Variants in LRRC71 observed in about 807,000 individuals in gnomAD.
LRRC71 encodes leucine-rich repeat-containing protein 71.
LRRC71 carries 54 observed loss-of-function variants against 66.6 expected under a neutral mutation model. The observed-to-expected ratio is 0.81, with a 90% CI of 0.65 to 1.02. The LOEUF is 1.02. LRRC71 is among the 50% of genes least tolerant of loss of function. LRRC71 has a pLI of 0.00. For synonymous variants in LRRC71, 323 were observed against 303.9 expected (o/e 1.06, Z -0.65); for missense variants, 724 against 718.0 (o/e 1.01, Z -0.10).
At chr1:156,928,465 TTC>T (rs1653719057) in intron 9 of LRRC71, among the ~76,000 whole-genome samples, 2 of 140,292 alleles carry the variant, frequency 1.4e-5, no homozygotes, top group Admixed American at 7.2e-5. Flanking sequence ...CTTCTCCTTC[TTC>T]TCTTCTTCCT....
chr1:156,932,768 C>G (rs1571082584), intron 14 of LRRC71, 85 bp from the exon 15 acceptor site: 1 of 1,471,380 alleles, frequency 6.8e-7, no homozygotes. Flanking sequence ...CCTAACCCAC[C>G]CTGCCCCAGG....
intron 14 of LRRC71, 60 bp from the exon 15 acceptor site, chr1:156,932,793 T>TC: frequency 3.3e-6 from 5 of 1,509,634 alleles, no homozygotes; most frequent in Non-Finnish European, 4.5e-6. Context: ...TTTTTTTTTT[T>TC]CTGCCAGAGG....
intron 4 of LRRC71, 22 bp from the exon 5 acceptor site, chr1:156,924,916 C>T: frequency 1.3e-6 from 2 of 1,551,522 alleles, no homozygotes; most frequent in South Asian, 2.4e-5. Flanking sequence ...CTCTGTGTTT[C>T]TGCACTTCCC....
At position 156,932,243 on chromosome 1, in the gene LRRC71, T is replaced by TA. The variant is rs565022860; in HGVS notation, c.1442-180dup. 325 of 663,554 alleles carry TA rather than the reference T, an allele frequency of 4.9e-4. 1 individual carries two copies. The highest frequency in any genetic ancestry group is 4.5e-3 in the African/African-American group (247 of 55,150). 41.1% of individuals were successfully genotyped at this position (663,554 alleles called of 1,614,324 possible). A position where few individuals can be genotyped will look rare whatever the true frequency, so the allele number is the denominator to read the frequency against. On this transcript the variant is annotated intron_variant, in intron 13 of 14. Coordinates refer to ENST00000337428, the MANE Select transcript of LRRC71 (RefSeq NM_144702.3). ...AGGCGATTGGAGTAATGAGAGGAGTTAGAGAGATGGGGAGTGTGTGAGTAA... is the reference window on the plus strand; with the variant it reads ...AGGCGATTGGAGTAATGAGAGGAGTTAAGAGAGATGGGGAGTGTGTGAGTAA...
At chr1:156,932,643 A>C in intron 14 of LRRC71, 98 bp downstream of exon 14, 1 of 1,612,722 alleles carries the variant, frequency 6.2e-7, no homozygotes, top group Non-Finnish European at 8.5e-7. Flanking sequence ...CCCCATTTCC[A>C]AGGAAGGTCT....
At chr1:156,932,312 A>C in intron 13 of LRRC71, 112 bp from the exon 14 acceptor site, 1 of 843,414 alleles carries the variant, frequency 1.2e-6, no homozygotes, top group Non-Finnish European at 1.9e-6. Context: ...TGCCTGGGCC[A>C]GTGAGTCTGG....
At chr1:156,938,716 G>A in the LRRC71 span, 1 of 517,074 alleles carries the variant, frequency 1.9e-6, no homozygotes, top group East Asian at 3.2e-5. Flanking sequence ...AGACAGAGAA[G>A]GAAGGTCAGT....
At position 156,932,565 on chromosome 1, in the gene LRRC71, T is replaced by C. The variant is rs759485337; in HGVS notation, c.1563+20T>C. 1 of 1,613,996 alleles carries C rather than the reference T, an allele frequency of 6.2e-7. No homozygotes were observed. The highest frequency in any genetic ancestry group is 8.5e-7 in the Non-Finnish European group (1 of 1,179,890). ...CTGGCTGTGAGTCCCTTTCACTCTC[T>C]CCTGCTGAAGCAGACGTTGCCCCTA... On this transcript the variant is annotated intron_variant, in intron 14 of 14. Transcript: ENST00000337428.
At position 156,932,429 on chromosome 1, in the gene LRRC71, C is replaced by G; in HGVS notation, c.1447C>G (p.Arg483Gly). Reference protein sequence around the residue: ...VLLHLNLIRNRITEVGLEGFL... With the variant: ...VLLHLNLIRNGITEVGLEGFL... ...CTGTCTGTAACTTCCACCAGGGAACCGCATCACAGAGGTGGGGCTGGAGGG... is the reference window on the plus strand; with the variant it reads ...CTGTCTGTAACTTCCACCAGGGAACGGCATCACAGAGGTGGGGCTGGAGGG... The change falls in exon 14 of 15, where the codon CGC (arginine) becomes GGC (glycine). Residue 483 changes from arginine to glycine, a missense_variant. Physicochemically the swap from Arg to Gly is moderately radical, Grantham distance 125 (BLOSUM62 -2). Coordinates refer to ENST00000337428, the MANE Select transcript of LRRC71 (RefSeq NM_144702.3). The G allele has an allele frequency of 1.9e-6, 3 of 1,612,722 alleles. No homozygotes were observed. Among genetic ancestry groups the G allele is most frequent in the Non-Finnish European group, 2.5e-6 (3 of 1,179,608 alleles).
Position 156,924,055 on chromosome 1 carries a change from G to T in LRRC71, c.267G>T (p.Pro89=). Residue 89 remains proline, a synonymous_variant, in exon 2 of 15, where the codon CCG becomes CCT. Transcript: ENST00000337428. ...PKVVNRPRPH[P]PFVPSASLSE... ...TTGTCAACCGGCCCCGCCCCCACCC[G>T]CCCTTCGTCCCCTCCGCCTCTTTGT... is the stretch of plus-strand genomic sequence containing the variant. The T allele has an allele frequency of 4.4e-6, 3 of 685,852 alleles. No individual in the cohort carries two copies. Among genetic ancestry groups the T allele is most frequent in the East Asian group, 1.3e-4 (2 of 15,090 alleles). 42.5% of individuals were successfully genotyped at this position (685,852 alleles called of 1,614,324 possible). A position where few individuals can be genotyped will look rare whatever the true frequency, so the allele number is the denominator to read the frequency against.
chr1:156,924,523 G>A lies in LRRC71; in HGVS notation c.410G>A (p.Ser137Asn). The change falls in exon 3 of 15, where the codon AGC (serine) becomes AAC (asparagine). Residue 137 changes from serine to asparagine, a missense_variant. Physicochemically the swap from Ser to Asn is conservative, Grantham distance 46 (BLOSUM62 1). Coordinates refer to ENST00000337428, the MANE Select transcript of LRRC71 (RefSeq NM_144702.3). ...CAGGTGGAGCTGGAGCAGGAGGACA[G>A]CAAGTCAGTGAAGGAAATCTACATC... is the stretch of plus-strand genomic sequence containing the variant. ...TIQVELEQEDSKSVKEIYIRG... is the reference protein window; with the variant it reads ...TIQVELEQEDNKSVKEIYIRG... 1.3e-6 allele frequency: 2 copies of A among 1,551,564 alleles called. No individual in the cohort carries two copies. Among genetic ancestry groups the A allele is most frequent in the Non-Finnish European group, 8.7e-7 (1 of 1,147,008 alleles).
At chr1:156,928,363 C>CTCCTCCTCTTCTTCTTCTTCT (rs1440279180) in intron 9 of LRRC71, among the ~76,000 whole-genome samples, 2 of 98,784 alleles carry the variant, frequency 2.0e-5, no homozygotes, top group Admixed American at 1.1e-4. Context: ...CTTCTTCTTC[C>CTCCTCCTCTTCTTCTTCTTCT]TCTTCTTCTT....
chr1:156,932,098 A>G, intron 13 of LRRC71, 71 bp downstream of exon 13: 1 of 1,214,702 alleles, frequency 8.2e-7, no homozygotes, highest in South Asian at 1.3e-5. Context: ...GAGGGTGTTT[A>G]CCCCGACTCT....
the LRRC71 span, chr1:156,938,614 G>C: frequency 9.1e-7 from 1 of 1,095,950 alleles, no homozygotes; most frequent in Non-Finnish European, 1.3e-6. Context: ...GTGGGGACAG[G>C]GGGAGGAGAA....
At chr1:156,940,062 G>T in the LRRC71 span, 1 of 1,415,820 alleles carries the variant, frequency 7.1e-7, no homozygotes, top group Non-Finnish European at 9.4e-7. Flanking sequence ...GGTTGGGTGG[G>T]GAATGACATC....
the LRRC71 span, chr1:156,938,469 C>T: frequency 6.2e-7 from 1 of 1,613,786 alleles, no homozygotes; most frequent in East Asian, 2.2e-5. Flanking sequence ...TCTGACTGGC[C>T]ACTCTCTGGT....
chr1:156,921,032 C>T, intron 1 of LRRC71, 69 bp downstream of exon 1: 1 of 1,433,944 alleles, frequency 7.0e-7, no homozygotes, highest in Non-Finnish European at 9.2e-7. Context: ...ACTAGCTACT[C>T]ACTGCTCCAA....
At chr1:156,940,087 T>C in the LRRC71 span, 2 of 1,404,376 alleles carry the variant, frequency 1.4e-6, no homozygotes, top group Non-Finnish European at 1.9e-6. Context: ...TCCGCATCCA[T>C]CTCTCCTCAA....
chr1:156,924,386 G>T, intron 2 of LRRC71, 38 bp from the exon 3 acceptor site: 1 of 1,539,632 alleles, frequency 6.5e-7, no homozygotes. Flanking sequence ...GGGCCCTGGA[G>T]GTGGCTGTTC....
Sources: allele counts gnomAD v4.1 joint callset (sites outside exome capture counted in the v4.1 genomes callset), GRCh38; gene constraint gnomAD v4.1.1; transcripts MANE v1.5; gene names NCBI Gene and HGNC (gene_info 2026-07-23, HGNC 2026-07-21).